SLC7A1: variants seen among roughly 807,000 people sequenced by gnomAD.
SLC7A1 encodes high affinity cationic amino acid transporter 1.
Under a neutral mutation model 53.9 loss-of-function variants are expected in SLC7A1, and 10 were observed. The ratio of observed to expected loss-of-function variants is 0.19; its 90% CI spans 0.11 to 0.31. SLC7A1 has a LOEUF of 0.31. SLC7A1 is among the 10% of genes least tolerant of loss of function. The pLI, the probability that SLC7A1 is intolerant of heterozygous loss-of-function variation, is 1.00. For synonymous variants in SLC7A1, 342 were observed against 338.7 expected (o/e 1.01, Z -0.11); for missense variants, 525 against 827.2 (o/e 0.63, Z 4.48).
chr13:29,548,661 G>C (rs1181937462), intron 2 of SLC7A1, among the ~76,000 whole-genome samples: 1 of 152,260 alleles, frequency 6.6e-6, no homozygotes, highest in Admixed American at 6.5e-5. Context: ...TCAAGGTCCA[G>C]CCTTCTCCTT....
chr13:29,580,956 C>T (rs563690540), intron 1 of SLC7A1, among the ~76,000 whole-genome samples: 15 of 152,228 alleles, frequency 9.9e-5, no homozygotes, highest in East Asian at 9.7e-4. Flanking sequence ...TTCCCACCAC[C>T]GCCAGAGCCT....
chr13:29,583,518 G>A (rs568931241), intron 1 of SLC7A1, among the ~76,000 whole-genome samples: 29 of 152,128 alleles, frequency 1.9e-4, no homozygotes, highest in African/African-American at 6.8e-4. Flanking sequence ...CTCTATGCAG[G>A]GTGACTCAGC....
At chr13:29,548,947 T>C (rs1870051342) in intron 2 of SLC7A1, among the ~76,000 whole-genome samples, 2 of 152,166 alleles carry the variant, frequency 1.3e-5, no homozygotes, top group Admixed American at 1.3e-4. Context: ...CCACACTTTT[T>C]CACTGGTGAC....
chr13:29,522,243 C>T (rs1056694453), intron 8 of SLC7A1, 74 bp downstream of exon 8: 21 of 1,474,846 alleles, frequency 1.4e-5, no homozygotes, highest in Middle Eastern at 3.5e-4. Context: ...ACCAGAACTG[C>T]GCAAGACGTC....
rs779966420 is a variant in SLC7A1 at position 29,532,960 on chromosome 13, G to C, written c.393C>G (p.Ala131=). ...TCAGCTCGTCGAAGGTGGCGCTCCAGGCCCTCGCTACGCTTGAAGTACCTG... is the reference window on the plus strand; with the variant it reads ...TCAGCTCGTCGAAGGTGGCGCTCCACGCCCTCGCTACGCTTGAAGTACCTG... The part of the protein sequence containing the change: ...YIIGTSSVAR[A]WSATFDELIG... Residue 131 remains alanine (A), a synonymous_variant, in exon 4 of 13, where the codon GCC becomes GCG. Coordinates refer to ENST00000380752, the MANE Select transcript of SLC7A1 (RefSeq NM_003045.5). The C allele has an allele frequency of 1.7e-5, 27 of 1,613,494 alleles. No homozygotes were observed. The highest frequency in any genetic ancestry group is 2.2e-5 in the Non-Finnish European group (26 of 1,179,820).
intron 1 of SLC7A1, among the ~76,000 whole-genome samples, chr13:29,586,172 G>A (rs1407913461): frequency 6.6e-6 from 1 of 152,212 alleles, no homozygotes; most frequent in Non-Finnish European, 1.5e-5. Flanking sequence ...GTACCAAAGT[G>A]CAAAATGGGG....
chr13:29,532,216 G>T (rs1229542151), intron 4 of SLC7A1, among the ~76,000 whole-genome samples: 1 of 152,178 alleles, frequency 6.6e-6, no homozygotes, highest in Non-Finnish European at 1.5e-5. Flanking sequence ...CAAAACTCGC[G>T]CTGCACTGGC....
intron 9 of SLC7A1, 26 bp downstream of exon 9, chr13:29,519,421 A>G (rs781474429): frequency 3.6e-6 from 5 of 1,388,364 alleles, no homozygotes; most frequent in Non-Finnish European, 5.1e-6. Flanking sequence ...CATTTCTGTC[A>G]TGAGACCCCC....
rs778198890 is a variant in SLC7A1, at chr13:29,517,741, C to T, written c.1342G>A (p.Asp448Asn). 8 of 1,614,084 alleles carry T rather than the reference C, an allele frequency of 5.0e-6. No homozygotes were observed. Among genetic ancestry groups the T allele is most frequent in the African/African-American group, 4.0e-5 (3 of 74,926 alleles). The change falls in exon 10 of 13, where the codon GAC becomes AAC. Residue 448 changes from aspartate to asparagine, a missense_variant. Physicochemically the swap from Asp to Asn is conservative, Grantham distance 23. Coordinates refer to ENST00000380752, the MANE Select transcript of SLC7A1 (RefSeq NM_003045.5). ...NLVYQMASTS[D>N]ELDPADQNEL... ...TTTTGGTCTGCTGGATCTAACTCGT[C>T]GGAAGTACTGGCCATCTGGTATACC...
intron 1 of SLC7A1, among the ~76,000 whole-genome samples, chr13:29,564,291 A>G (rs1222328971): frequency 1.3e-5 from 2 of 152,270 alleles, no homozygotes; most frequent in South Asian, 2.1e-4. Context: ...AAAGGCTAAC[A>G]CTGCTATTAA....
chr13:29,589,940 C>T (rs1872040052), intron 1 of SLC7A1, among the ~76,000 whole-genome samples: 1 of 152,198 alleles, frequency 6.6e-6, no homozygotes, highest in Non-Finnish European at 1.5e-5. Flanking sequence ...ATAGATAAAG[C>T]GCAGAGTACA....
At chr13:29,524,940 G>A (rs962802438) in intron 5 of SLC7A1, among the ~76,000 whole-genome samples, 5 of 152,182 alleles carry the variant, frequency 3.3e-5, no homozygotes, top group African/African-American at 1.2e-4. Context: ...TCAGAAAACA[G>A]TCCCATAAAT....
At chr13:29,582,023 G>A (rs1046551307) in intron 1 of SLC7A1, among the ~76,000 whole-genome samples, 1 of 152,146 alleles carries the variant, frequency 6.6e-6, no homozygotes, top group East Asian at 1.9e-4. Context: ...TTGCCCTCTC[G>A]TGCTAAGCCT....
rs74792516 is a variant in SLC7A1 at position 29,560,309 on chromosome 13, A to G, written c.-114-6449T>C. On this transcript the variant is annotated intron_variant, in intron 1 of 12. Transcript: ENST00000380752. ...ACACAAGGAGCTGTGATCTCCTGTGATAACAATGCCTTCTTCTGAAATACT... is the reference window on the plus strand; with the variant it reads ...ACACAAGGAGCTGTGATCTCCTGTGGTAACAATGCCTTCTTCTGAAATACT... Among the ~76,000 whole-genome samples the G allele has an allele frequency of 4.1e-3, 623 of 152,208 alleles. 25 individuals are homozygous for G. In the East Asian group the frequency reaches 0.09, roughly 22 times the overall value.
intron 1 of SLC7A1, among the ~76,000 whole-genome samples, chr13:29,572,217 C>A (rs1871227403): frequency 6.6e-6 from 1 of 152,254 alleles, no homozygotes; most frequent in African/African-American, 2.4e-5. Context: ...TCTGGTCCCA[C>A]ACCAAGTCAC....
chr13:29,542,945 C>T (rs780453013), intron 2 of SLC7A1, among the ~76,000 whole-genome samples: 1 of 152,112 alleles, frequency 6.6e-6, no homozygotes, highest in Non-Finnish European at 1.5e-5. Flanking sequence ...TTTTAAAGGC[C>T]CTGGGGTCTA....
intron 7 of SLC7A1, 145 bp downstream of exon 7, chr13:29,523,121 G>C (rs1868707013): frequency 1.5e-6 from 1 of 686,010 alleles, no homozygotes; most frequent in Admixed American, 2.3e-5. Flanking sequence ...CATGATCAAA[G>C]CTGGGTTGGG....
rs375685310 is a variant in SLC7A1 at position 29,523,498 on chromosome 13, C to A, written c.827-10G>T. ...TTCTTCACCTCTTCACCTAGAAGCACAAGGGGTCAGCGGAGGAGGGCACAC... is the reference window on the plus strand; with the variant it reads ...TTCTTCACCTCTTCACCTAGAAGCAAAAGGGGTCAGCGGAGGAGGGCACAC... On this transcript the variant is annotated splice_polypyrimidine_tract_variant and intron_variant, in intron 6 of 12. Coordinates refer to ENST00000380752, the MANE Select transcript of SLC7A1 (RefSeq NM_003045.5). The A allele has an allele frequency of 6.9e-5, 110 of 1,604,892 alleles. No individual in the cohort carries two copies. The highest frequency in any genetic ancestry group is 1.6e-4 in the Middle Eastern group (1 of 6,064).
At position 29,523,502 on chromosome 13, in the gene SLC7A1, G is replaced by C. The variant is rs780920796; in HGVS notation, c.827-14C>G. ...TCACCTCTTCACCTAGAAGCACAAG[G>C]GGTCAGCGGAGGAGGGCACACAGCA... On this transcript the variant is annotated splice_polypyrimidine_tract_variant and intron_variant, in intron 6 of 12. Transcript: ENST00000380752. 3.1e-6 allele frequency: 5 copies of C among 1,598,194 alleles called. No individual in the cohort carries two copies. The highest frequency in any genetic ancestry group is 3.3e-5 in the Admixed American group (2 of 59,920).
Sources: gnomAD v4.1 joint callset for allele counts (sites outside exome capture counted in the v4.1 genomes callset) on GRCh38, gnomAD v4.1.1 for gene constraint, MANE v1.5 for transcripts, NCBI Gene and HGNC (gene_info 2026-07-23, HGNC 2026-07-21) for gene names.